RHPN2: variants seen among roughly 807,000 people sequenced by gnomAD.
RHPN2 encodes the protein rhophilin Rho GTPase binding protein 2.
Under a neutral mutation model 79.0 loss-of-function variants are expected in RHPN2, and 40 were observed. The ratio of observed to expected loss-of-function variants is 0.51; its 90% CI spans 0.39 to 0.66. The LOEUF is 0.66. Among genes scored for constraint, RHPN2 ranks in the 30% least tolerant of loss-of-function variants. The pLI is 0.00. For synonymous variants in RHPN2, 285 were observed against 363.5 expected (o/e 0.78, Z 2.46); for missense variants, 686 against 883.5 (o/e 0.78, Z 2.83).
intron 2 of RHPN2, among the ~76,000 whole-genome samples, chr19:33,036,295 T>C (rs1972055300): frequency 6.6e-6 from 1 of 151,518 alleles, no homozygotes; most frequent in Non-Finnish European, 1.5e-5. Flanking sequence ...GGCCAGGAGT[T>C]CAACACCAGC....
chr19:33,035,318 T>C (rs548590219), intron 2 of RHPN2, among the ~76,000 whole-genome samples: 28 of 152,158 alleles, frequency 1.8e-4, no homozygotes, highest in Non-Finnish European at 3.4e-4. Flanking sequence ...CCCAGGCTGG[T>C]TTTAAACTCC....
At chr19:33,000,047 T>C (rs563155126) in intron 9 of RHPN2, among the ~76,000 whole-genome samples, 2 of 152,130 alleles carry the variant, frequency 1.3e-5, no homozygotes, top group East Asian at 3.9e-4. Context: ...ATTTTTAAAT[T>C]TTTTTGTAAA....
At chr19:33,034,783 C>CA (rs58456679) in intron 2 of RHPN2, among the ~76,000 whole-genome samples, 3,241 of 50,670 alleles carry the variant, frequency 0.064, 160 homozygotes, top group East Asian at 0.2. Flanking sequence ...GACTCCATCT[C>CA]AAAAAAAAAA....
chr19:33,033,375 G>A (rs1031928385), intron 2 of RHPN2, among the ~76,000 whole-genome samples: 1 of 152,104 alleles, frequency 6.6e-6, no homozygotes, highest in Non-Finnish European at 1.5e-5. Flanking sequence ...AGATCAGCCC[G>A]GCCAACATGG....
At chr19:33,048,906 C>T (rs543415478) in intron 1 of RHPN2, among the ~76,000 whole-genome samples, 29 of 152,198 alleles carry the variant, frequency 1.9e-4, no homozygotes, top group Non-Finnish European at 3.7e-4. Flanking sequence ...ATAACTAATT[C>T]CTTTACGTAC....
intron 2 of RHPN2, among the ~76,000 whole-genome samples, chr19:33,040,003 C>A (rs1972087844): frequency 6.6e-6 from 1 of 151,960 alleles, no homozygotes; most frequent in Non-Finnish European, 1.5e-5. Context: ...GTGCACTTCA[C>A]CACAGTCCCC....
intron 14 of RHPN2, among the ~76,000 whole-genome samples, chr19:32,981,727 G>C (rs1216562136): frequency 2.6e-5 from 3 of 117,550 alleles, no homozygotes; most frequent in African/African-American, 9.9e-5. Context: ...TTTTTTTTAA[G>C]ATGGAGTCTC....
intron 1 of RHPN2, among the ~76,000 whole-genome samples, chr19:33,056,401 C>A (rs1972233460): frequency 6.6e-6 from 1 of 152,028 alleles, no homozygotes; most frequent in Non-Finnish European, 1.5e-5. Context: ...CATGAGCCAC[C>A]ACCCCCGGCC....
At chr19:33,032,959 T>A (rs898625404) in intron 2 of RHPN2, among the ~76,000 whole-genome samples, 10 of 152,180 alleles carry the variant, frequency 6.6e-5, no homozygotes, top group African/African-American at 9.7e-5. Context: ...TCTCCTTTAT[T>A]CTTCTTTCTC....
At chr19:33,023,740 G>A (rs190135480) in intron 3 of RHPN2, among the ~76,000 whole-genome samples, 1,601 of 148,288 alleles carry the variant, frequency 0.011, 28 homozygotes, top group African/African-American at 0.038. Context: ...AGCCGAGATC[G>A]TGCCACTGCA....
chr19:33,034,605 C>CAAAAAAAA (rs71176187), intron 2 of RHPN2, among the ~76,000 whole-genome samples: 2 of 95,688 alleles, frequency 2.1e-5, no homozygotes, highest in African/African-American at 4.6e-5. Context: ...GACTCCGTCT[C>CAAAAAAAA]AAAAAAAAAA....
chr19:33,040,919 T>C (rs913847754), intron 2 of RHPN2, among the ~76,000 whole-genome samples: 1 of 151,988 alleles, frequency 6.6e-6, no homozygotes. Context: ...ATCTCGACAC[T>C]GCACTCCATC....
At chr19:33,015,738 C>A (rs1971872523) in intron 4 of RHPN2, among the ~76,000 whole-genome samples, 1 of 152,054 alleles carries the variant, frequency 6.6e-6, no homozygotes, top group Admixed American at 6.6e-5. Flanking sequence ...CTTATACAAG[C>A]AATAACCAAT....
intron 2 of RHPN2, among the ~76,000 whole-genome samples, chr19:33,031,172 C>T (rs539292024): frequency 6.6e-6 from 1 of 151,094 alleles, no homozygotes; most frequent in East Asian, 2.0e-4. Flanking sequence ...CAGAAGCTCC[C>T]TGAACCTCAT....
At chr19:32,996,796 A>T (rs993379384) in intron 10 of RHPN2, among the ~76,000 whole-genome samples, 1 of 151,980 alleles carries the variant, frequency 6.6e-6, no homozygotes, top group Admixed American at 6.6e-5. Flanking sequence ...TCTCTCAGTC[A>T]CCGGCTAATA....
At chr19:33,010,890 C>G (rs1971830275) in intron 6 of RHPN2, among the ~76,000 whole-genome samples, 1 of 151,322 alleles carries the variant, frequency 6.6e-6, no homozygotes, top group Admixed American at 6.6e-5. Flanking sequence ...GCCACATTGT[C>G]CAGGCTGGTC....
At chr19:33,063,450 T>G (rs1420684388) in intron 1 of RHPN2, among the ~76,000 whole-genome samples, 1 of 152,088 alleles carries the variant, frequency 6.6e-6, no homozygotes, top group African/African-American at 2.4e-5. Context: ...TTTGAACAAT[T>G]AAGAATTGAT....
At chr19:33,032,038 T>TTTTTTTGG (rs1972017535) in intron 2 of RHPN2, among the ~76,000 whole-genome samples, 1 of 135,854 alleles carries the variant, frequency 7.4e-6, no homozygotes, top group African/African-American at 2.9e-5. Flanking sequence ...TTTTTTTTTT[T>TTTTTTTGG]GAGGCAGAGT....
intron 2 of RHPN2, among the ~76,000 whole-genome samples, chr19:33,032,037 T>TTTTTC (rs1321291983): frequency 7.3e-6 from 1 of 136,872 alleles, no homozygotes; most frequent in African/African-American, 2.8e-5. Context: ...TTTTTTTTTT[T>TTTTTC]TGAGGCAGAG....
Sources: allele counts gnomAD v4.1 joint callset (sites outside exome capture counted in the v4.1 genomes callset), GRCh38; gene constraint gnomAD v4.1.1; transcripts MANE v1.5; gene names NCBI Gene and HGNC (gene_info 2026-07-23, HGNC 2026-07-21).